The following BLTP3A variants were observed in gnomAD, a reference collection of about 807,000 sequenced individuals.
BLTP3A encodes ICBP90 binding protein 1.
At chr6:34,831,083 A>T in the BLTP3A span, among the ~76,000 whole-genome samples, 1 of 150,734 alleles carries the variant, frequency 6.6e-6, no homozygotes, top group Non-Finnish European at 1.5e-5. Context: ...TGTACTGCAG[A>T]TATCTTCTAC....
the BLTP3A span, among the ~76,000 whole-genome samples, chr6:34,847,484 C>G: frequency 1.3e-5 from 2 of 152,002 alleles, no homozygotes; most frequent in African/African-American, 4.8e-5. Flanking sequence ...GATCTCATTA[C>G]TTGTTATTAT....
the BLTP3A span, among the ~76,000 whole-genome samples, chr6:34,806,348 C>A: frequency 1.3e-5 from 2 of 152,118 alleles, no homozygotes; most frequent in Non-Finnish European, 1.5e-5. Flanking sequence ...GGTTTGAGCC[C>A]ATTAACCCTA....
the BLTP3A span, chr6:34,858,142 AAG>A: frequency 1.9e-6 from 3 of 1,613,214 alleles, no homozygotes; most frequent in Admixed American, 1.7e-5. Context: ...TCCACTGGAA[AAG>A]AGAGAGCGGG....
the BLTP3A span, among the ~76,000 whole-genome samples, chr6:34,793,058 G>GT: frequency 2.3e-4 from 35 of 152,280 alleles, 1 homozygote; most frequent in African/African-American, 7.9e-4. Flanking sequence ...AGATGTGGAG[G>GT]TTTTTTTGAC....
chr6:34,803,947 C>T, the BLTP3A span, among the ~76,000 whole-genome samples: 1 of 151,906 alleles, frequency 6.6e-6, no homozygotes, highest in African/African-American at 2.4e-5. Flanking sequence ...TTTCTTTAAA[C>T]TTGGATGAAA....
the BLTP3A span, among the ~76,000 whole-genome samples, chr6:34,798,392 G>A: frequency 6.6e-5 from 10 of 152,058 alleles, no homozygotes; most frequent in Admixed American, 6.6e-4. Flanking sequence ...CATTTCTGTT[G>A]GGAATATATG....
At chr6:34,799,705 G>A in the BLTP3A span, among the ~76,000 whole-genome samples, 2 of 152,168 alleles carry the variant, frequency 1.3e-5, no homozygotes, top group Non-Finnish European at 2.9e-5. Flanking sequence ...TAGACATTCA[G>A]CAAGTTTTTT....
chr6:34,820,176 AT>A, the BLTP3A span, among the ~76,000 whole-genome samples: 2 of 152,216 alleles, frequency 1.3e-5, no homozygotes, highest in Admixed American at 6.5e-5. Context: ...AAAAAAAAAA[AT>A]AACAGCTTGC....
chr6:34,847,546 G>A, the BLTP3A span, among the ~76,000 whole-genome samples: 1 of 151,866 alleles, frequency 6.6e-6, no homozygotes, highest in Non-Finnish European at 1.5e-5. Context: ...GCTGTATATA[G>A]CTAAGCATTT....
At chr6:34,816,274 G>T in the BLTP3A span, among the ~76,000 whole-genome samples, 6 of 152,006 alleles carry the variant, frequency 3.9e-5, no homozygotes, top group African/African-American at 9.7e-5. Context: ...TTTTTTCAGA[G>T]AAGTCATCAG....
chr6:34,855,901 T>C, the BLTP3A span: 1 of 985,390 alleles, frequency 1.0e-6, no homozygotes, highest in Non-Finnish European at 1.2e-6. Flanking sequence ...TTATCAGTAA[T>C]GAGAGGAAGT....
At chr6:34,868,192 G>T in the BLTP3A span, among the ~76,000 whole-genome samples, 2 of 152,110 alleles carry the variant, frequency 1.3e-5, no homozygotes, top group Non-Finnish European at 2.9e-5. Context: ...TGTAATCCCA[G>T]CTACTTGGGA....
At chr6:34,804,049 A>T in the BLTP3A span, among the ~76,000 whole-genome samples, 1 of 152,172 alleles carries the variant, frequency 6.6e-6, no homozygotes, top group South Asian at 2.1e-4. Context: ...ATATAGTAGT[A>T]TGTGTATCCT....
At chr6:34,800,735 G>A in the BLTP3A span, among the ~76,000 whole-genome samples, 1 of 152,010 alleles carries the variant, frequency 6.6e-6, no homozygotes. Context: ...TTAGTAAAAG[G>A]GTATGTAGTT....
chr6:34,838,972 C>T, the BLTP3A span, among the ~76,000 whole-genome samples: 21 of 152,258 alleles, frequency 1.4e-4, no homozygotes, highest in Non-Finnish European at 2.8e-4. Context: ...CAAGGAAGGC[C>T]GGGCATGGTG....
chr6:34,858,821 C>A, the BLTP3A span: 2 of 1,614,008 alleles, frequency 1.2e-6, no homozygotes, highest in Non-Finnish European at 8.5e-7. Context: ...CTTGTACATT[C>A]CCCGGCCCAT....
the BLTP3A span, among the ~76,000 whole-genome samples, chr6:34,801,680 AC>A: frequency 6.6e-6 from 1 of 152,164 alleles, no homozygotes; most frequent in Non-Finnish European, 1.5e-5. Flanking sequence ...ACATAAAAGC[AC>A]AAAATATCGC....
chr6:34,840,051 A>G, the BLTP3A span, among the ~76,000 whole-genome samples: 4 of 152,258 alleles, frequency 2.6e-5, no homozygotes, highest in Non-Finnish European at 5.9e-5. Flanking sequence ...TGTTATGGCT[A>G]CATGGCTGTG....
the BLTP3A span, chr6:34,792,192 C>T: frequency 2.7e-6 from 4 of 1,498,868 alleles, no homozygotes; most frequent in Non-Finnish European, 3.6e-6. Context: ...CTCTTCTCCA[C>T]AACTGAGGAG....
Sources: gnomAD v4.1 joint callset for allele counts (sites outside exome capture counted in the v4.1 genomes callset) on GRCh38, gnomAD v4.1.1 for gene constraint, MANE v1.5 for transcripts, NCBI Gene and HGNC (gene_info 2026-07-23, HGNC 2026-07-21) for gene names.